The following TDRD5 variants were observed in gnomAD, a reference collection of about 807,000 sequenced individuals.
The protein encoded by TDRD5 is tudor domain-containing protein 5.
Under a neutral mutation model 120.6 loss-of-function variants are expected in TDRD5, and 41 were observed. That is an observed-to-expected ratio of 0.34 (90% CI 0.26 to 0.44). The LOEUF is 0.44. Among genes scored for constraint, TDRD5 ranks in the 20% least tolerant of loss-of-function variants. The pLI is 1.00. For synonymous variants in TDRD5, 430 were observed against 433.7 expected (o/e 0.99, Z 0.11); for missense variants, 1,006 against 1,221.2 (o/e 0.82, Z 2.63).
At chr1:179,690,624 T>C (rs1681093992) in intron 17 of TDRD5, 72 bp from the exon 18 acceptor site, 1 of 1,550,492 alleles carries the variant, frequency 6.4e-7, no homozygotes, top group Non-Finnish European at 8.7e-7. Context: ...AGTATAGAAC[T>C]AGAATGGGGG....
chr1:179,621,696 G>A (rs748481017), intron 6 of TDRD5, among the ~76,000 whole-genome samples: 15 of 152,050 alleles, frequency 9.9e-5, no homozygotes, highest in Non-Finnish European at 1.9e-4. Context: ...ATAATGTTGA[G>A]TGAAAAAAAT....
chr1:179,648,239 C>G (rs1245430469), intron 11 of TDRD5, among the ~76,000 whole-genome samples: 1 of 145,944 alleles, frequency 6.9e-6, no homozygotes, highest in East Asian at 2.0e-4. Context: ...AAATGTGGCA[C>G]ATATACACCA....
chr1:179,615,271 G>A (rs185238903), intron 4 of TDRD5, among the ~76,000 whole-genome samples: 5 of 152,184 alleles, frequency 3.3e-5, no homozygotes, highest in Admixed American at 3.3e-4. Context: ...CACATAGTAT[G>A]ATCTCAATAC....
intron 12 of TDRD5, among the ~76,000 whole-genome samples, 194 bp downstream of exon 12, chr1:179,651,261 TC>T (rs1189480674): frequency 2.6e-5 from 4 of 152,206 alleles, no homozygotes; most frequent in Non-Finnish European, 5.9e-5. Context: ...TGACTAATTG[TC>T]CTTTGAAATG....
At position 179,669,311 on chromosome 1, in the gene TDRD5, A is replaced by C. The variant is rs534358653; in HGVS notation, c.2767A>C (p.Ser923Arg). 2.5e-6 allele frequency: 4 copies of C among 1,614,184 alleles called. No individual in the cohort carries two copies. The highest frequency in any genetic ancestry group is 1.3e-5 in the African/African-American group (1 of 75,056). The stretch of plus-strand genomic sequence containing the variant: ...CGGGAGCCAGTCTGAACCCAACAAC[A>C]GTCAGACTCAGCCAAAGCAAATTCA... ...ADGSQSEPNN[S>R]QTQPKQIQLS... Residue 923 changes from serine to arginine, a missense_variant, in exon 17 of 18, where the codon AGT (serine) becomes CGT (arginine). By Grantham distance (110) the Ser-to-Arg change is moderately radical (BLOSUM62 -1). This residue lies in a region of TDRD5 where 403 missense variants were observed against 448.1 expected (regional missense o/e 0.90). Coordinates refer to ENST00000444136, the MANE Select transcript of TDRD5 (RefSeq NM_001199085.3).
At chr1:179,661,478 G>A (rs1011505571) in intron 14 of TDRD5, among the ~76,000 whole-genome samples, 1 of 150,746 alleles carries the variant, frequency 6.6e-6, no homozygotes, top group Admixed American at 6.6e-5. Flanking sequence ...TTTCATTTCT[G>A]TTCTGCTATT....
At chr1:179,623,293 A>G (rs1676935848) in intron 6 of TDRD5, among the ~76,000 whole-genome samples, 1 of 152,202 alleles carries the variant, frequency 6.6e-6, no homozygotes. Context: ...TGAATAAAGG[A>G]TGTAGTAAAT....
chr1:179,669,106 G>C (rs1302064544), intron 16 of TDRD5, 88 bp from the exon 17 acceptor site: 1 of 1,155,394 alleles, frequency 8.7e-7, no homozygotes, highest in East Asian at 2.4e-5. Context: ...GGAAATATTT[G>C]TATTTTGCTT....
intron 9 of TDRD5, among the ~76,000 whole-genome samples, chr1:179,637,211 A>G (rs1572380489): frequency 1.3e-5 from 2 of 152,322 alleles, no homozygotes; most frequent in East Asian, 1.9e-4. Flanking sequence ...ACTCCAGGAC[A>G]CCTGGCATAA....
At chr1:179,669,132 G>A (rs1367107028) in intron 16 of TDRD5, 62 bp from the exon 17 acceptor site, 4 of 1,420,248 alleles carry the variant, frequency 2.8e-6, no homozygotes, top group Non-Finnish European at 3.9e-6. Flanking sequence ...TAAGGAAATA[G>A]GGCTTAATTA....
Position 179,663,497 on chromosome 1 carries a change from T to C in TDRD5, c.2649+6T>C. 6.2e-7 allele frequency: 1 copy of C among 1,604,266 alleles called. No individual in the cohort carries two copies. Among genetic ancestry groups the C allele is most frequent in the East Asian group, 2.2e-5 (1 of 44,732 alleles). ...GCACAAACAGGACTCAAAAGGTAAA[T>C]GTCTAATGCAGGTTATTGGGACAGG... On this transcript the variant is annotated splice_donor_region_variant and intron_variant, in intron 16 of 17. Coordinates refer to ENST00000444136, the MANE Select transcript of TDRD5 (RefSeq NM_001199085.3).
intron 4 of TDRD5, among the ~76,000 whole-genome samples, chr1:179,614,516 A>G (rs903737596): frequency 3.9e-5 from 6 of 152,120 alleles, no homozygotes; most frequent in African/African-American, 1.4e-4. Context: ...AAGAGCCATC[A>G]TTGATTGAAA....
At chr1:179,628,028 G>T (rs1447595462) in intron 6 of TDRD5, among the ~76,000 whole-genome samples, 1 of 152,040 alleles carries the variant, frequency 6.6e-6, no homozygotes, top group Non-Finnish European at 1.5e-5. Flanking sequence ...CAGATATTAC[G>T]TGCCCCTCTT....
chr1:179,640,339 G>A, intron 10 of TDRD5, 40 bp from the exon 11 acceptor site: 5 of 1,607,570 alleles, frequency 3.1e-6, no homozygotes, highest in Non-Finnish European at 3.4e-6. Context: ...TTTATATATA[G>A]CAGGAAGATT....
chr1:179,618,469 C>G, intron 4 of TDRD5, 130 bp from the exon 5 acceptor site: 1 of 529,464 alleles, frequency 1.9e-6, no homozygotes, highest in East Asian at 3.3e-5. Flanking sequence ...CTCTTAAGAA[C>G]AGTATTTTGT....
At chr1:179,596,527 T>G (rs1247462735) in intron 4 of TDRD5, among the ~76,000 whole-genome samples, 2 of 152,246 alleles carry the variant, frequency 1.3e-5, no homozygotes. Flanking sequence ...CTGCTTTCTA[T>G]GATTTTGGCT....
At chr1:179,689,651 G>C (rs76357381) in intron 17 of TDRD5, among the ~76,000 whole-genome samples, 1 of 152,024 alleles carries the variant, frequency 6.6e-6, no homozygotes, top group African/African-American at 2.4e-5. Flanking sequence ...GCTCCCAGAG[G>C]TGGAGTCTAC....
At chr1:179,683,976 A>C (rs768556531) in intron 17 of TDRD5, among the ~76,000 whole-genome samples, 122 of 152,306 alleles carry the variant, frequency 8.0e-4, no homozygotes, top group Non-Finnish European at 1.7e-3. Context: ...GGAAATTTCA[A>C]GCATCGCATT....
intron 5 of TDRD5, among the ~76,000 whole-genome samples, chr1:179,620,593 GATGTACGTATGGACA>G (rs2101971010): frequency 6.6e-6 from 1 of 152,188 alleles, no homozygotes; most frequent in South Asian, 2.1e-4. Context: ...TAGATATTTT[GATGTACGTATGGACA>G]ATAATGCTCT....
Sources: gnomAD v4.1 joint callset for allele counts (sites outside exome capture counted in the v4.1 genomes callset) on GRCh38, gnomAD v4.1.1 for gene constraint, gnomAD v4.1.1 regional missense constraint, MANE v1.5 for transcripts, NCBI Gene and HGNC (gene_info 2026-07-23, HGNC 2026-07-21) for gene names.